Variants in DCAF1 observed in about 807,000 individuals in gnomAD.
DCAF1 encodes the protein DDB1- and CUL4-associated factor 1.
DCAF1 carries 15 observed loss-of-function variants against 128.0 expected under a neutral mutation model. The ratio of observed to expected loss-of-function variants is 0.12; its 90% CI spans 0.08 to 0.18. The LOEUF is 0.18. Ranked by LOEUF, DCAF1 falls within the 10% of genes least tolerant of loss-of-function variation. DCAF1 has a pLI of 1.00. For synonymous variants in DCAF1, 610 were observed against 603.0 expected (o/e 1.01, Z -0.17); for missense variants, 988 against 1,649.5 (o/e 0.60, Z 6.95).
chr3:51,417,624 G>A (rs570327344), intron 17 of DCAF1, among the ~76,000 whole-genome samples: 1 of 152,190 alleles, frequency 6.6e-6, no homozygotes, highest in East Asian at 1.9e-4. Context: ...GGAGGCTAAG[G>A]CAGGAGAACG....
At chr3:51,443,924 T>C (rs374357101) in intron 6 of DCAF1, 21 bp from the exon 7 acceptor site, 4 of 1,564,542 alleles carry the variant, frequency 2.6e-6, no homozygotes, top group Non-Finnish European at 3.4e-6. Context: ...GGAAATTAAA[T>C]AGTACATTTC....
At chr3:51,492,090 C>T (rs1247799479) in intron 2 of DCAF1, among the ~76,000 whole-genome samples, 4 of 148,110 alleles carry the variant, frequency 2.7e-5, no homozygotes, top group Non-Finnish European at 4.4e-5. Context: ...CTGCGGGAGG[C>T]GGAAGTTGCA....
intron 10 of DCAF1, among the ~76,000 whole-genome samples, chr3:51,430,953 G>T (rs1700313945): frequency 6.6e-6 from 1 of 152,132 alleles, no homozygotes; most frequent in Non-Finnish European, 1.5e-5. Context: ...GGGATCACAG[G>T]AGCCCATCGC....
At chr3:51,413,543 T>C (rs1469037780) in intron 20 of DCAF1, among the ~76,000 whole-genome samples, 157 bp from the exon 21 acceptor site, 4 of 152,210 alleles carry the variant, frequency 2.6e-5, no homozygotes, top group African/African-American at 4.8e-5. Context: ...TCTAGTTAGC[T>C]CCTCTCAGAG....
rs1298492095 is a variant in DCAF1, at chr3:51,398,826, A to G, written c.4467T>C (p.Thr1489=). The change falls in exon 25 of 25, where the codon ACT becomes ACC. Residue 1489 remains threonine, a splice_region_variant and synonymous_variant. Coordinates refer to ENST00000684031, the MANE Select transcript of DCAF1 (RefSeq NM_001387579.1). ...CCAAATCAGAGTTGTCAGAGCTGTC[A>G]GCTGAAAGGGAAGAAAAGGGAGAGA... ...DEEVELILGD[T]DSSDNSDLED... is the part of the protein sequence containing the mutation. 1.9e-6 allele frequency: 3 copies of G among 1,583,674 alleles called. No homozygotes were observed. The highest frequency in any genetic ancestry group is 2.6e-6 in the Non-Finnish European group (3 of 1,163,918).
At chr3:51,488,045 A>G (rs1167114531) in intron 2 of DCAF1, among the ~76,000 whole-genome samples, 2 of 151,768 alleles carry the variant, frequency 1.3e-5, no homozygotes, top group Non-Finnish European at 2.9e-5. Flanking sequence ...TTGTACTTTT[A>G]GTAGAGACGG....
intron 23 of DCAF1, among the ~76,000 whole-genome samples, chr3:51,407,987 A>AAAAC: frequency 7.1e-6 from 1 of 140,504 alleles, no homozygotes; most frequent in Non-Finnish European, 1.6e-5. Flanking sequence ...TCCATCTCAA[A>AAAAC]AAAAAAAAAA....
At chr3:51,425,528 T>C (rs1281836598) in intron 13 of DCAF1, among the ~76,000 whole-genome samples, 1 of 147,828 alleles carries the variant, frequency 6.8e-6, no homozygotes, top group African/African-American at 2.5e-5. Flanking sequence ...AATGTATTTA[T>C]ACCCTTTCTA....
At chr3:51,459,120 G>C (rs1703254682) in intron 6 of DCAF1, among the ~76,000 whole-genome samples, 1 of 152,116 alleles carries the variant, frequency 6.6e-6, no homozygotes, top group Non-Finnish European at 1.5e-5. Flanking sequence ...ATGAATCCAG[G>C]AGCTGGTTTT....
chr3:51,425,268 C>T (rs1243087901), intron 13 of DCAF1, among the ~76,000 whole-genome samples: 2 of 152,044 alleles, frequency 1.3e-5, no homozygotes, highest in South Asian at 2.1e-4. Context: ...GCCAGGAGTT[C>T]GAGACCAGCC....
At chr3:51,490,851 A>C (rs1707549929) in intron 2 of DCAF1, among the ~76,000 whole-genome samples, 1 of 152,130 alleles carries the variant, frequency 6.6e-6, no homozygotes, top group Non-Finnish European at 1.5e-5. Flanking sequence ...ACTTGAACCC[A>C]AGAGGCAGAG....
chr3:51,464,393 A>G (rs1703919317), intron 5 of DCAF1, among the ~76,000 whole-genome samples: 1 of 152,084 alleles, frequency 6.6e-6, no homozygotes, highest in Non-Finnish European at 1.5e-5. Flanking sequence ...CAGTCCCACC[A>G]TCCCAAGATT....
chr3:51,499,589 G>GC (rs1277838770), intron 1 of DCAF1, among the ~76,000 whole-genome samples: 8 of 151,208 alleles, frequency 5.3e-5, no homozygotes, highest in African/African-American at 9.7e-5. Context: ...GACACACCCC[G>GC]CCCCCCCACT....
chr3:51,441,146 T>C (rs533605573), intron 8 of DCAF1, 75 bp from the exon 9 acceptor site: 48 of 1,384,626 alleles, frequency 3.5e-5, no homozygotes, highest in East Asian at 4.9e-5. Context: ...TCTTTGAGGA[T>C]AGAAGCCTAA....
intron 1 of DCAF1, among the ~76,000 whole-genome samples, chr3:51,498,394 A>G (rs1708480363): frequency 6.7e-6 from 1 of 148,740 alleles, no homozygotes; most frequent in Admixed American, 6.9e-5. Flanking sequence ...AAAAAAAAAG[A>G]GTTATCACAC....
intron 23 of DCAF1, among the ~76,000 whole-genome samples, chr3:51,410,656 G>T (rs1433612445): frequency 6.6e-6 from 1 of 152,132 alleles, no homozygotes; most frequent in African/African-American, 2.4e-5. Flanking sequence ...TGCTTTTAAA[G>T]AATTATTTTA....
At chr3:51,395,904 T>C (rs1229846448), downstream of DCAF1, 1 of 413,454 alleles carries the variant, frequency 2.4e-6, no homozygotes, top group Middle Eastern at 6.3e-4. Flanking sequence ...CCTGTTTTTG[T>C]TTTTTTACTT....
intron 2 of DCAF1, among the ~76,000 whole-genome samples, chr3:51,494,115 T>C (rs1223867707): frequency 2.2e-5 from 3 of 139,092 alleles, no homozygotes; most frequent in Non-Finnish European, 4.7e-5. Flanking sequence ...TGAGGTTTCC[T>C]TTTTTTTTTT....
At chr3:51,404,130 G>A (rs1375441623) in intron 23 of DCAF1, among the ~76,000 whole-genome samples, 3 of 152,208 alleles carry the variant, frequency 2.0e-5, no homozygotes, top group Admixed American at 2.0e-4. Flanking sequence ...ATCTGCCACA[G>A]ATTTCAGGTT....
Sources: gnomAD v4.1 joint callset for allele counts (sites outside exome capture counted in the v4.1 genomes callset) on GRCh38, gnomAD v4.1.1 for gene constraint, MANE v1.5 for transcripts, NCBI Gene and HGNC (gene_info 2026-07-23, HGNC 2026-07-21) for gene names.